The following PHLDB3 variants were observed in gnomAD, a reference collection of about 807,000 sequenced individuals.
The protein encoded by PHLDB3 is pleckstrin homology-like domain family B member 3.
A neutral mutation model predicts 85.7 loss-of-function variants in PHLDB3; 86 were observed. The ratio of observed to expected loss-of-function variants is 1.00; its 90% CI spans 0.84 to 1.20. The LOEUF is 1.20. PHLDB3 is among the 50% of genes most tolerant of loss of function. The pLI is 0.00. For synonymous variants in PHLDB3, 376 were observed against 349.8 expected (o/e 1.07, Z -0.83); for missense variants, 995 against 873.0 (o/e 1.14, Z -1.76).
chr19:43,500,918 CCA>C (rs1568485188), intron 4 of PHLDB3, among the ~76,000 whole-genome samples: 5 of 115,208 alleles, frequency 4.3e-5, no homozygotes, highest in East Asian at 3.2e-4. Context: ...TACCCCCCCC[CCA>C]CCCCGCAAGT....
At chr19:43,487,591 A>AAAAAAAAAAAAAAAAAAAC (rs1167897767) in intron 9 of PHLDB3, among the ~76,000 whole-genome samples, 31 of 115,756 alleles carry the variant, frequency 2.7e-4, no homozygotes, top group East Asian at 7.4e-4. Context: ...AAAAAAAAAA[A>AAAAAAAAAAAAAAAAAAAC]ACACAGAAAA....
At chr19:43,486,502 GC>G (rs1366106240) in intron 12 of PHLDB3, 106 bp downstream of exon 12, 3 of 1,384,370 alleles carry the variant, frequency 2.2e-6, no homozygotes, top group African/African-American at 1.4e-5. Context: ...GGGGCTGGGG[GC>G]CTGGACCCCT....
intron 15 of PHLDB3, among the ~76,000 whole-genome samples, chr19:43,476,462 G>A (rs1175997591): frequency 2.6e-5 from 4 of 152,040 alleles, no homozygotes; most frequent in African/African-American, 9.7e-5. Context: ...CTGGGCAACA[G>A]AGGGAGACCC....
chr19:43,489,530 C>T (rs1357385647), intron 9 of PHLDB3, among the ~76,000 whole-genome samples: 1 of 152,086 alleles, frequency 6.6e-6, no homozygotes, highest in Non-Finnish European at 1.5e-5. Context: ...AGGAAGTGAA[C>T]AGCGTAGGAG....
rs948353596 is a variant in PHLDB3 at position 43,496,991 on chromosome 19, A to G, written c.825+127T>C. The stretch of plus-strand genomic sequence containing the variant: ...ACATAGTAAATGTTTCATTAGTATC[A>G]GCTCTTGTTGTTACTATTCAGAAGA... On this transcript the variant is annotated intron_variant, in intron 6 of 15. Coordinates refer to ENST00000292140, the MANE Select transcript of PHLDB3 (RefSeq NM_198850.4). The G allele has an allele frequency of 1.4e-5, 18 of 1,253,128 alleles. No homozygotes were observed. The African/African-American group carries it at 1.8e-4, about 13-fold the overall frequency. 77.6% of individuals were successfully genotyped at this position (1,253,128 alleles called of 1,614,324 possible). A position where few individuals can be genotyped will look rare whatever the true frequency, so the allele number is the denominator to read the frequency against.
intron 4 of PHLDB3, among the ~76,000 whole-genome samples, chr19:43,500,153 C>T (rs1328384085): frequency 2.0e-5 from 3 of 152,020 alleles, no homozygotes; most frequent in Admixed American, 1.3e-4. Context: ...ACAGGAGAAT[C>T]GCTTGAACCT....
intron 10 of PHLDB3, 76 bp downstream of exon 10, chr19:43,486,948 G>T: frequency 2.7e-6 from 4 of 1,478,616 alleles, no homozygotes; most frequent in Non-Finnish European, 3.6e-6. Context: ...GCAGGCATAG[G>T]TGCGGGTTTC....
intron 9 of PHLDB3, among the ~76,000 whole-genome samples, chr19:43,494,149 T>G (rs1281581513): frequency 6.6e-6 from 1 of 152,124 alleles, no homozygotes; most frequent in Non-Finnish European, 1.5e-5. Context: ...TTCTCGTGCC[T>G]CAGCCCTGCA....
chr19:43,486,530 G>A lies in PHLDB3; in HGVS notation c.1428+79C>T, dbSNP rs1270204834. ...TGGACCCCTGGGTCTGAGGGAGGTGGAGTTGGGGGTCTCCCAGGTCTGAGG... is the reference window on the plus strand; with the variant it reads ...TGGACCCCTGGGTCTGAGGGAGGTGAAGTTGGGGGTCTCCCAGGTCTGAGG... On this transcript the variant is annotated intron_variant, in intron 12 of 15. Coordinates refer to ENST00000292140, the MANE Select transcript of PHLDB3 (RefSeq NM_198850.4). 2.6e-5 allele frequency: 39 copies of A among 1,494,726 alleles called. 1 individual carries two copies. Among genetic ancestry groups the A allele is most frequent in the Non-Finnish European group, 3.4e-5 (38 of 1,107,064 alleles). The allele number at this position is 1,494,726 out of a possible 1,614,324, so 92.6% of individuals were successfully genotyped here.
Position 43,501,810 on chromosome 19 carries a change from C to G in PHLDB3, c.458G>C (p.Arg153Pro). Residue 153 changes from arginine (R) to proline (P), a missense_variant, in exon 4 of 16, where the codon CGG becomes CCG. Arg to Pro is a moderately radical substitution (Grantham distance 103). Transcript: ENST00000292140. ...ELAGERVAAR[R>P]EEEQLRELLE... Reference sequence around the variant, plus strand: ...CAGCTCCCGCAGCTGCTCCTCCTCCCGGCGAGCGGCCACTCGCTCCCCAGC... The same window carrying G: ...CAGCTCCCGCAGCTGCTCCTCCTCCGGGCGAGCGGCCACTCGCTCCCCAGC... 1 of 1,587,886 alleles carries G rather than the reference C, an allele frequency of 6.3e-7. No individual in the cohort carries two copies. Among genetic ancestry groups the G allele is most frequent in the South Asian group, 1.1e-5 (1 of 87,054 alleles).
At chr19:43,503,827 T>C (rs1377286845) in intron 2 of PHLDB3, 79 bp downstream of exon 2, 5 of 1,542,864 alleles carry the variant, frequency 3.2e-6, no homozygotes, top group Non-Finnish European at 4.4e-6. Context: ...GGTTTCCCTC[T>C]ACCTGTCTAC....
intron 1 of PHLDB3, 86 bp from the exon 2 acceptor site, chr19:43,504,218 C>CA: frequency 4.9e-6 from 6 of 1,222,888 alleles, no homozygotes; most frequent in Middle Eastern, 2.8e-4. Flanking sequence ...GCGCGGAGAC[C>CA]CCCCCCCAAG....
intron 2 of PHLDB3, among the ~76,000 whole-genome samples, 174 bp from the exon 3 acceptor site, chr19:43,502,457 C>CTTTT (rs10685194): frequency 0.036 from 4,858 of 136,562 alleles, 156 homozygotes; most frequent in East Asian, 0.069. Context: ...TCTTTCTTAT[C>CTTTT]TTTTTTTTTT....
rs753036451 is a variant in PHLDB3, at chr19:43,497,256, G to T, written c.687C>A (p.Ala229=). 6.7e-7 allele frequency: 1 copy of T among 1,491,074 alleles called. No individual in the cohort carries two copies. The highest frequency in any genetic ancestry group is 1.4e-5 in the South Asian group (1 of 71,218). 92.4% of individuals were successfully genotyped at this position (1,491,074 alleles called of 1,614,324 possible). ...VQEMREQLDV[A]QRAYEDLEFQ... is the part of the protein sequence containing the mutation. The stretch of plus-strand genomic sequence containing the variant: ...ACTCCAGGTCCTCATAGGCACGTTG[G>T]GCCACATCCAGTTGTTCCCTCATCT... Residue 229 remains alanine, a synonymous_variant, in exon 6 of 16, where the codon GCC becomes GCA. Coordinates refer to ENST00000292140, the MANE Select transcript of PHLDB3 (RefSeq NM_198850.4).
intron 13 of PHLDB3, among the ~76,000 whole-genome samples, chr19:43,480,194 C>T (rs1017526374): frequency 1.5e-5 from 2 of 135,810 alleles, no homozygotes; most frequent in African/African-American, 5.5e-5. Context: ...CAGGAGGCTG[C>T]GGTGGGAGGA....
intron 4 of PHLDB3, among the ~76,000 whole-genome samples, chr19:43,500,915 C>CCCG (rs1971576732): frequency 9.1e-6 from 1 of 109,458 alleles, no homozygotes; most frequent in Admixed American, 9.0e-5. Flanking sequence ...CCGTACCCCC[C>CCCG]CCCCACCCCG....
At chr19:43,481,548 G>T (rs1971047423) in intron 13 of PHLDB3, among the ~76,000 whole-genome samples, 1 of 152,052 alleles carries the variant, frequency 6.6e-6, no homozygotes, top group South Asian at 2.1e-4. Flanking sequence ...AACTCGGGAG[G>T]TGGAGGTTGC....
intron 7 of PHLDB3, 56 bp from the exon 8 acceptor site, chr19:43,495,395 C>A: frequency 6.2e-7 from 1 of 1,600,680 alleles, no homozygotes; most frequent in Non-Finnish European, 8.5e-7. Flanking sequence ...GTCCCAGCTG[C>A]TTTCCCTAAT....
intron 2 of PHLDB3, among the ~76,000 whole-genome samples, chr19:43,503,617 GTCTC>G (rs1348385726): frequency 6.6e-6 from 1 of 151,956 alleles, no homozygotes; most frequent in Non-Finnish European, 1.5e-5. Context: ...CTCTATACTA[GTCTC>G]TCTGTCTCTG....
Sources: gnomAD v4.1 joint callset for allele counts (sites outside exome capture counted in the v4.1 genomes callset) on GRCh38, gnomAD v4.1.1 for gene constraint, MANE v1.5 for transcripts, NCBI Gene and HGNC (gene_info 2026-07-23, HGNC 2026-07-21) for gene names.